The following MYO1D variants were observed in gnomAD, a reference collection of about 807,000 sequenced individuals.
The protein encoded by MYO1D is unconventional myosin-Id.
In MYO1D, 83 loss-of-function variants were observed where a neutral mutation model predicts 122.0. That is an observed-to-expected ratio of 0.68 (90% confidence interval 0.57 to 0.82). The LOEUF is 0.82. Among genes scored for constraint, MYO1D ranks in the 40% least tolerant of loss-of-function variants. MYO1D has a pLI of 0.00. For missense variants in MYO1D, 1,157 were observed against 1,269.5 expected, an observed-to-expected ratio of 0.91 and a Z score of 1.35; for synonymous variants, 464 against 446.9, an observed-to-expected ratio of 1.04 and a Z score of -0.48.
intron 21 of MYO1D, among the ~76,000 whole-genome samples, chr17:32,534,466 C>T (rs1265663917): frequency 6.6e-6 from 1 of 152,098 alleles, no homozygotes; most frequent in Admixed American, 6.6e-5. Context: ...AGCCACTGCG[C>T]CCAGCTGGAA....
intron 14 of MYO1D, among the ~76,000 whole-genome samples, chr17:32,735,481 C>CGTATA (rs2089691540): frequency 6.6e-6 from 1 of 152,162 alleles, no homozygotes. Flanking sequence ...CCATGTCTGG[C>CGTATA]CTTGATGTAT....
At chr17:32,687,227 C>CG in intron 16 of MYO1D, among the ~76,000 whole-genome samples, 1 of 146,104 alleles carries the variant, frequency 6.8e-6, no homozygotes, top group Non-Finnish European at 1.5e-5. Context: ...GACAGAGTCT[C>CG]ACTCTGTCAC....
At chr17:32,548,845 C>G (rs2086987211) in intron 21 of MYO1D, among the ~76,000 whole-genome samples, 1 of 151,426 alleles carries the variant, frequency 6.6e-6, no homozygotes. Flanking sequence ...TCCCAAGTAG[C>G]TGGGATTACA....
rs534554930 is a variant in MYO1D at position 32,714,048 on chromosome 17, C to CT, written c.1914-1854dup. Among the ~76,000 whole-genome samples the CT allele has an allele frequency of 7.0e-3, 984 of 140,012 alleles. 9 individuals carry two copies. Among genetic ancestry groups the CT allele is most frequent in the African/African-American group, 0.023 (862 of 38,196 alleles). The allele number at this position is 140,012 out of a possible 152,430, so 91.9% of individuals were successfully genotyped here. Reference sequence around the variant, plus strand: ...AAGTTTTCTCATATGTCTTTTCTTTCTTTTTTTTTTTTAATAATTATTTTA... The same window carrying CT: ...AAGTTTTCTCATATGTCTTTTCTTTCTTTTTTTTTTTTTAATAATTATTTTA... On this transcript the variant is annotated intron_variant, in intron 15 of 21. Coordinates refer to ENST00000318217, the MANE Select transcript of MYO1D (RefSeq NM_015194.3).
rs147378970 is a variant in MYO1D at position 32,781,490 on chromosome 17, A to G, written c.96-706T>C. On this transcript the variant is annotated intron_variant, in intron 1 of 21. Transcript: ENST00000318217. ...GGAATGGGACAGCTGGTTGAAAGGC[A>G]TGTGTATTTTTAAAGTATATATAAT... 2.7e-3 allele frequency among the ~76,000 whole-genome samples: 406 copies of G among 152,290 alleles called. 1 individual carries two copies. The highest frequency in any genetic ancestry group is 0.012 in the South Asian group (58 of 4,830).
chr17:32,870,018 C>A (rs947681359), intron 1 of MYO1D, among the ~76,000 whole-genome samples: 1 of 152,152 alleles, frequency 6.6e-6, no homozygotes, highest in Non-Finnish European at 1.5e-5. Flanking sequence ...ATTCCACCCA[C>A]ATCTGGCTCT....
At chr17:32,729,060 C>A (rs1182424556) in intron 14 of MYO1D, among the ~76,000 whole-genome samples, 1 of 152,138 alleles carries the variant, frequency 6.6e-6, no homozygotes, top group Admixed American at 6.5e-5. Flanking sequence ...CTGACTCAGC[C>A]TAAGAAATCC....
chr17:32,644,103 C>G (rs1199200507), intron 19 of MYO1D, among the ~76,000 whole-genome samples: 1 of 151,990 alleles, frequency 6.6e-6, no homozygotes, highest in Non-Finnish European at 1.5e-5. Flanking sequence ...CCCAGAGATT[C>G]TGGTATGTTG....
chr17:32,739,227 TG>T (rs2151003143), intron 13 of MYO1D, among the ~76,000 whole-genome samples: 1 of 152,208 alleles, frequency 6.6e-6, no homozygotes, highest in African/African-American at 2.4e-5. Context: ...CTTAAAAAAT[TG>T]GGGGTTGAGC....
At position 32,494,738 on chromosome 17, in the gene MYO1D, G is replaced by T. The variant is rs140045084; in HGVS notation, c.*21C>A. 6.4e-7 allele frequency: 1 copy of T among 1,574,540 alleles called. No individual in the cohort carries two copies. The highest frequency in any genetic ancestry group is 1.8e-5 in the Admixed American group (1 of 55,264). On this transcript the variant is annotated 3_prime_UTR_variant, in exon 22 of 22. Coordinates refer to ENST00000318217, the MANE Select transcript of MYO1D (RefSeq NM_015194.3). ...AGGACTCGGAGTGTGGCCGGGCTCCGGGCCAGGCCTCCGCGGGGCGTCAGT... is the reference window on the plus strand; with the variant it reads ...AGGACTCGGAGTGTGGCCGGGCTCCTGGCCAGGCCTCCGCGGGGCGTCAGT...
intron 13 of MYO1D, among the ~76,000 whole-genome samples, chr17:32,741,703 C>T (rs1463633180): frequency 1.3e-5 from 2 of 152,176 alleles, no homozygotes; most frequent in Admixed American, 6.5e-5. Flanking sequence ...AACACAATTA[C>T]AGTTGGCTCT....
At chr17:32,729,776 T>C (rs1314584555) in intron 14 of MYO1D, among the ~76,000 whole-genome samples, 5 of 152,124 alleles carry the variant, frequency 3.3e-5, no homozygotes. Flanking sequence ...TGAGGGACTG[T>C]AGTTTGGTCT....
At chr17:32,816,941 G>A (rs1168064203) in intron 1 of MYO1D, among the ~76,000 whole-genome samples, 4 of 151,958 alleles carry the variant, frequency 2.6e-5, no homozygotes, top group Non-Finnish European at 4.4e-5. Context: ...CAAGCGGTAA[G>A]AAATGCCACA....
intron 19 of MYO1D, among the ~76,000 whole-genome samples, chr17:32,643,957 G>T (rs1237413171): frequency 6.6e-6 from 1 of 152,064 alleles, no homozygotes; most frequent in Non-Finnish European, 1.5e-5. Flanking sequence ...CCTTCTGCTA[G>T]CTTTTGAATA....
chr17:32,784,251 AG>A (rs1469627528), intron 1 of MYO1D, among the ~76,000 whole-genome samples: 6 of 152,156 alleles, frequency 3.9e-5, no homozygotes, highest in Admixed American at 3.9e-4. Context: ...AGCTAATTAC[AG>A]TTCCCAAGAG....
chr17:32,566,288 T>G (rs1423372130), intron 21 of MYO1D, among the ~76,000 whole-genome samples: 1 of 152,048 alleles, frequency 6.6e-6, no homozygotes, highest in Non-Finnish European at 1.5e-5. Context: ...GGACTTAGAC[T>G]TGTTTGAGGA....
chr17:32,563,139 T>C (rs1290926437), intron 21 of MYO1D, among the ~76,000 whole-genome samples: 2 of 152,122 alleles, frequency 1.3e-5, no homozygotes, highest in South Asian at 2.1e-4. Flanking sequence ...TTTTTCTAAA[T>C]GTTAACTATT....
intron 19 of MYO1D, among the ~76,000 whole-genome samples, chr17:32,643,792 C>G (rs2088242828): frequency 6.6e-6 from 1 of 151,964 alleles, no homozygotes; most frequent in African/African-American, 2.4e-5. Context: ...TTTATTGTGT[C>G]TATTTGATTC....
rs554203696 is a variant in MYO1D, at chr17:32,564,495, C to T, written c.2864+40592G>A. Among the ~76,000 whole-genome samples, 23 of 152,314 alleles carry T rather than the reference C, an allele frequency of 1.5e-4. No homozygotes were observed. The South Asian group carries it at 4.6e-3, about 30-fold the overall frequency. On this transcript the variant is annotated intron_variant, in intron 21 of 21. Coordinates refer to ENST00000318217, the MANE Select transcript of MYO1D (RefSeq NM_015194.3). ...GTACAGCCCAGGGTGAACCCTACAC[C>T]ATCCCTTCCCTTAACCAGAGCCTAC...
Sources: allele counts gnomAD v4.1 joint callset (sites outside exome capture counted in the v4.1 genomes callset), GRCh38; gene constraint gnomAD v4.1.1; transcripts MANE v1.5; gene names NCBI Gene and HGNC (gene_info 2026-07-23, HGNC 2026-07-21).